Variants in ULK4 observed in about 807,000 individuals in gnomAD.
The protein encoded by ULK4 is inactive serine/threonine-protein kinase ULK4.
In ULK4, 133 loss-of-function variants were observed where a neutral mutation model predicts 160.6. The ratio of observed to expected loss-of-function variants is 0.83; its 90% CI spans 0.72 to 0.96. ULK4 has a LOEUF of 0.96. ULK4 is among the 40% of genes least tolerant of loss of function. ULK4 has a pLI of 0.00. For missense variants in ULK4, 1,580 were observed against 1,499.5 expected (o/e 1.05, Z -0.89); for synonymous variants, 534 against 539.8 (o/e 0.99, Z 0.15).
intron 4 of ULK4, among the ~76,000 whole-genome samples, chr3:41,933,936 G>T (rs1221715024): frequency 6.6e-6 from 1 of 152,034 alleles, no homozygotes; most frequent in African/African-American, 2.4e-5. Context: ...TACTTGGGAG[G>T]CTAAGGCAGG....
chr3:41,743,454 T>G (rs945480589), intron 22 of ULK4, among the ~76,000 whole-genome samples: 5 of 151,514 alleles, frequency 3.3e-5, no homozygotes, highest in African/African-American at 9.8e-5. Flanking sequence ...CTTAAAAAAA[T>G]GTCTAAAGAA....
intron 32 of ULK4, among the ~76,000 whole-genome samples, chr3:41,508,814 T>C (rs919772167): frequency 2.0e-5 from 3 of 151,992 alleles, no homozygotes; most frequent in African/African-American, 7.3e-5. Context: ...GACAAAAGAA[T>C]CTGAACAGCA....
chr3:41,247,246 A>G (rs2078662843), intron 36 of ULK4, among the ~76,000 whole-genome samples: 1 of 152,138 alleles, frequency 6.6e-6, no homozygotes, highest in African/African-American at 2.4e-5. Context: ...TCTGCCAGAA[A>G]CACTGCCAGT....
chr3:41,827,734 G>C (rs961586764), intron 18 of ULK4, among the ~76,000 whole-genome samples: 4 of 152,100 alleles, frequency 2.6e-5, no homozygotes, highest in Non-Finnish European at 5.9e-5. Context: ...GGAGGAGCTG[G>C]TACCATTCCT....
At chr3:41,406,528 G>C (rs184196687) in intron 34 of ULK4, among the ~76,000 whole-genome samples, 5 of 152,280 alleles carry the variant, frequency 3.3e-5, no homozygotes, top group Non-Finnish European at 7.4e-5. Flanking sequence ...GATAGGAATA[G>C]CGTTGAATCT....
chr3:41,873,026 A>G (rs1697157146), intron 17 of ULK4, among the ~76,000 whole-genome samples: 1 of 152,002 alleles, frequency 6.6e-6, no homozygotes, highest in Non-Finnish European at 1.5e-5. Context: ...GGTGGTAGAC[A>G]CCTGTAATCC....
At chr3:41,734,584 A>G (rs940172058) in intron 22 of ULK4, among the ~76,000 whole-genome samples, 3 of 152,176 alleles carry the variant, frequency 2.0e-5, no homozygotes, top group African/African-American at 7.2e-5. Context: ...AAGAGAAAAA[A>G]AAGAAGGCTC....
chr3:41,757,565 G>A (rs2038846160), intron 21 of ULK4, among the ~76,000 whole-genome samples: 1 of 148,514 alleles, frequency 6.7e-6, no homozygotes, highest in African/African-American at 2.5e-5. Context: ...CCAGGAGGCG[G>A]AGCTTTCAGT....
At chr3:41,270,635 C>T (rs146524201) in intron 35 of ULK4, among the ~76,000 whole-genome samples, 2 of 152,302 alleles carry the variant, frequency 1.3e-5, no homozygotes, top group East Asian at 1.9e-4. Flanking sequence ...GTATTGAGTG[C>T]TTACTGTATG....
intron 17 of ULK4, among the ~76,000 whole-genome samples, chr3:41,848,091 C>T (rs368675957): frequency 2.0e-5 from 3 of 152,298 alleles, no homozygotes; most frequent in East Asian, 1.9e-4. Context: ...TGCATTCAAA[C>T]TGGCATCTGT....
intron 30 of ULK4, among the ~76,000 whole-genome samples, chr3:41,654,464 A>C (rs2034858607): frequency 6.6e-6 from 1 of 152,244 alleles, no homozygotes; most frequent in Non-Finnish European, 1.5e-5. Context: ...AGAATACAAA[A>C]TACTTTAGCA....
At chr3:41,607,389 C>A (rs2032431991) in intron 31 of ULK4, among the ~76,000 whole-genome samples, 1 of 151,914 alleles carries the variant, frequency 6.6e-6, no homozygotes, top group Non-Finnish European at 1.5e-5. Flanking sequence ...AAGCTTTGAG[C>A]AAAAACAATG....
At chr3:41,410,011 T>C (rs909916090) in intron 34 of ULK4, among the ~76,000 whole-genome samples, 14 of 151,696 alleles carry the variant, frequency 9.2e-5, no homozygotes, top group African/African-American at 2.9e-4. Context: ...TCATACTCCA[T>C]AGAAGGACTA....
chr3:41,699,950 T>C (rs2036618277), intron 27 of ULK4, among the ~76,000 whole-genome samples: 1 of 152,218 alleles, frequency 6.6e-6, no homozygotes, highest in Admixed American at 6.5e-5. Flanking sequence ...AAAATAGATA[T>C]TTATAAATAC....
At chr3:41,869,099 T>G (rs547811967) in intron 17 of ULK4, 1 of 152,296 alleles carries the variant, frequency 6.6e-6, no homozygotes, top group South Asian at 2.1e-4. Flanking sequence ...ATTAGCCAAG[T>G]ATTCCTTTTT....
At chr3:41,316,452 T>C (rs972055972) in intron 35 of ULK4, among the ~76,000 whole-genome samples, 1 of 152,214 alleles carries the variant, frequency 6.6e-6, no homozygotes, top group Non-Finnish European at 1.5e-5. Context: ...CACAAAATCA[T>C]ATCCTTTACA....
chr3:41,365,433 A>G (rs1288113930), intron 35 of ULK4, among the ~76,000 whole-genome samples: 1 of 152,230 alleles, frequency 6.6e-6, no homozygotes, highest in African/African-American at 2.4e-5. Context: ...TCTGGAAAAT[A>G]AGACAACTAA....
chr3:41,710,569 G>A (rs536914158), intron 25 of ULK4, among the ~76,000 whole-genome samples: 4 of 152,196 alleles, frequency 2.6e-5, no homozygotes, highest in East Asian at 1.9e-4. Context: ...TGAGGCAGGC[G>A]GATCACTTGA....
At chr3:41,517,264 C>T (rs931073099) in intron 32 of ULK4, among the ~76,000 whole-genome samples, 2 of 152,154 alleles carry the variant, frequency 1.3e-5, no homozygotes, top group African/African-American at 2.4e-5. Flanking sequence ...TGATTTGAAT[C>T]TATCCATCCC....
Sources: gnomAD v4.1 joint callset for allele counts (sites outside exome capture counted in the v4.1 genomes callset) on GRCh38, gnomAD v4.1.1 for gene constraint, MANE v1.5 for transcripts, NCBI Gene and HGNC (gene_info 2026-07-23, HGNC 2026-07-21) for gene names.